Variants in RELL1 observed in about 807,000 individuals in gnomAD.
RELL1 encodes RELT-like protein 1.
Under a neutral mutation model 23.0 loss-of-function variants are expected in RELL1, and 10 were observed. The ratio of observed to expected loss-of-function variants is 0.43; its 90% CI spans 0.27 to 0.74. The LOEUF is 0.74. Among genes scored for constraint, RELL1 ranks in the 30% least tolerant of loss-of-function variants. The pLI is 0.19. For synonymous variants in RELL1, 146 were observed against 146.8 expected, an observed-to-expected ratio of 0.99 and a Z score of 0.04; for missense variants, 315 against 364.4, an observed-to-expected ratio of 0.86 and a Z score of 1.10.
At position 37,612,195 on chromosome 4, in the gene RELL1, A is replaced by G. The variant is rs1338243498; in HGVS notation, c.*1151T>C. On this transcript the variant is annotated 3_prime_UTR_variant, in exon 7 of 7. Transcript: ENST00000454158. ...CCGCCTCAAAAAAAAAAAAAAAAAA[A>G]AAAAAAGAGAGAAGCAGGGTTCTTT... is the stretch of plus-strand genomic sequence containing the variant. Among the ~76,000 whole-genome samples, 1 of 150,574 alleles carries G rather than the reference A, an allele frequency of 6.6e-6. No homozygotes were observed. The highest frequency in any genetic ancestry group is 2.4e-5 in the African/African-American group (1 of 40,830).
intron 1 of RELL1, among the ~76,000 whole-genome samples, chr4:37,653,273 G>A (rs1721012220): frequency 6.6e-6 from 1 of 151,430 alleles, no homozygotes; most frequent in South Asian, 2.1e-4. Flanking sequence ...CTTGCAACAG[G>A]TAGATTCAGT....
At chr4:37,614,615 C>A (rs1719511870) in intron 6 of RELL1, among the ~76,000 whole-genome samples, 1 of 150,562 alleles carries the variant, frequency 6.6e-6, no homozygotes, top group South Asian at 2.1e-4. Flanking sequence ...TATAAACATT[C>A]TAGCAGAGGG....
Position 37,647,348 on chromosome 4 carries a change from G to A in RELL1, c.385+20C>T. The stretch of plus-strand genomic sequence containing the variant: ...AGGATAGGAATACTGAATTGTTTTG[G>A]AACACTAAAATGTTCACACCTTCAT... On this transcript the variant is annotated intron_variant, in intron 3 of 6. Transcript: ENST00000454158. The A allele has an allele frequency of 6.3e-7, 1 of 1,579,808 alleles. No individual in the cohort carries two copies. Among genetic ancestry groups the A allele is most frequent in the East Asian group, 2.2e-5 (1 of 44,672 alleles).
At chr4:37,596,991 G>C (rs1718881204) in intron 6 of RELL1, among the ~76,000 whole-genome samples, 2 of 151,512 alleles carry the variant, frequency 1.3e-5, no homozygotes, top group African/African-American at 4.9e-5. Context: ...CAGGTGATCT[G>C]CCCACCTTGA....
intron 4 of RELL1, among the ~76,000 whole-genome samples, 177 bp from the exon 5 acceptor site, chr4:37,635,300 C>A (rs79875148): frequency 0.043 from 6,509 of 152,094 alleles, 315 homozygotes; most frequent in East Asian, 0.16. Flanking sequence ...GTTCTCATGA[C>A]CATGCGATGA....
chr4:37,604,868 C>CACACACACACAG (rs1553871545), intron 6 of RELL1, among the ~76,000 whole-genome samples: 18,695 of 86,832 alleles, frequency 0.22, 2,435 homozygotes, highest in East Asian at 0.28. Context: ...CACACACAGA[C>CACACACACACAG]ACACACACAC....
chr4:37,590,789 A>T (rs1181108637), downstream of RELL1: 4 of 1,613,962 alleles, frequency 2.5e-6, no homozygotes, highest in African/African-American at 4.0e-5. Context: ...TTGAATGAGG[A>T]TGTGGAAACA....
chr4:37,620,215 T>A (rs1719721499), intron 6 of RELL1, among the ~76,000 whole-genome samples: 2 of 152,254 alleles, frequency 1.3e-5, no homozygotes, highest in South Asian at 4.1e-4. Flanking sequence ...TTATATTATC[T>A]TCTTTGTTGA....
intron 3 of RELL1, among the ~76,000 whole-genome samples, chr4:37,639,343 CACT>C (rs886935297): frequency 7.4e-6 from 1 of 135,014 alleles, no homozygotes; most frequent in African/African-American, 2.8e-5. Flanking sequence ...GACATCACGC[CACT>C]GCACTCCAGC....
chr4:37,588,965 G>A (rs1421994295), downstream of RELL1: 3 of 1,177,000 alleles, frequency 2.5e-6, no homozygotes, highest in Non-Finnish European at 3.8e-6. Flanking sequence ...CACTTTTAAA[G>A]ACCATGCGTG....
intron 1 of RELL1, among the ~76,000 whole-genome samples, chr4:37,667,239 AAT>A (rs2109303778): frequency 6.6e-6 from 1 of 152,178 alleles, no homozygotes; most frequent in African/African-American, 2.4e-5. Flanking sequence ...TACTATTAAT[AAT>A]AGTCACATAT....
At position 37,612,548 on chromosome 4, in the gene RELL1, A is replaced by T. The variant is rs1032037768; in HGVS notation, c.*798T>A. On this transcript the variant is annotated 3_prime_UTR_variant, in exon 7 of 7. Coordinates refer to ENST00000454158, the MANE Select transcript of RELL1 (RefSeq NM_001085400.2). ...CTACTTGGGAGGCTGAGGCAGGAGA[A>T]TCGCTTGAACCTGGGGAGGTGGAGA... Among the ~76,000 whole-genome samples the T allele has an allele frequency of 3.3e-5, 5 of 150,972 alleles. No homozygotes were observed. Among genetic ancestry groups the T allele is most frequent in the Non-Finnish European group, 7.4e-5 (5 of 67,884 alleles).
chr4:37,660,058 G>GCA (rs140998715), intron 1 of RELL1, among the ~76,000 whole-genome samples: 6 of 151,974 alleles, frequency 3.9e-5, no homozygotes, highest in East Asian at 1.9e-4. Flanking sequence ...TAGTTTTTAA[G>GCA]CACACACACA....
At chr4:37,621,466 A>C (rs551613775) in intron 6 of RELL1, among the ~76,000 whole-genome samples, 1 of 152,122 alleles carries the variant, frequency 6.6e-6, no homozygotes, top group African/African-American at 2.4e-5. Flanking sequence ...AAAAAATAAT[A>C]ATAATAATAA....
At chr4:37,629,019 T>G (rs1271661173) in intron 6 of RELL1, among the ~76,000 whole-genome samples, 3 of 152,218 alleles carry the variant, frequency 2.0e-5, no homozygotes, top group Admixed American at 2.0e-4. Flanking sequence ...AGTACCGCTC[T>G]CTGGGCAGTG....
At chr4:37,618,614 T>C (rs1482680982) in intron 6 of RELL1, among the ~76,000 whole-genome samples, 2 of 152,224 alleles carry the variant, frequency 1.3e-5, no homozygotes, top group African/African-American at 2.4e-5. Context: ...CTCCCATTGA[T>C]AGATGTATTT....
At chr4:37,645,061 G>A (rs1198241499) in intron 3 of RELL1, among the ~76,000 whole-genome samples, 1 of 152,162 alleles carries the variant, frequency 6.6e-6, no homozygotes, top group Non-Finnish European at 1.5e-5. Flanking sequence ...CACAGAACAG[G>A]CCCAGCACAT....
intron 1 of RELL1, among the ~76,000 whole-genome samples, chr4:37,670,459 A>G (rs1374794009): frequency 6.6e-6 from 1 of 152,256 alleles, no homozygotes; most frequent in Non-Finnish European, 1.5e-5. Flanking sequence ...ACAGGAAACA[A>G]GAGTCAAAGA....
intron 1 of RELL1, among the ~76,000 whole-genome samples, chr4:37,665,007 T>G (rs567493741): frequency 6.6e-6 from 1 of 152,300 alleles, no homozygotes; most frequent in African/African-American, 2.4e-5. Context: ...GGTTTGTACC[T>G]CTAATCCCTA....
Sources: gnomAD v4.1 joint callset for allele counts (sites outside exome capture counted in the v4.1 genomes callset) on GRCh38, gnomAD v4.1.1 for gene constraint, MANE v1.5 for transcripts, NCBI Gene and HGNC (gene_info 2026-07-23, HGNC 2026-07-21) for gene names.